ZNF721: variants seen among roughly 807,000 people sequenced by gnomAD.
ZNF721 encodes zinc finger protein 721.
In ZNF721, 2 loss-of-function variants were observed where a neutral mutation model predicts 2.4. That is an observed-to-expected ratio of 0.82 (90% CI 0.34 to 2.58). ZNF721 has a LOEUF of 2.58. Ranked by LOEUF, ZNF721 falls within the 30% of genes most tolerant of loss-of-function variation. The pLI is 0.11. For synonymous variants in ZNF721, 398 were observed against 381.8 expected (o/e 1.04, Z -0.50); for missense variants, 1,187 against 1,085.5 (o/e 1.09, Z -1.31).
At chr4:458,753 G>A (rs1269253087) in intron 2 of ZNF721, among the ~76,000 whole-genome samples, 1 of 152,126 alleles carries the variant, frequency 6.6e-6, no homozygotes, top group African/African-American at 2.4e-5. Context: ...GGCTAAGGCA[G>A]GAAAATCGCT....
At chr4:479,938 G>A (rs1715731599) in intron 1 of ZNF721, among the ~76,000 whole-genome samples, 2 of 152,162 alleles carry the variant, frequency 1.3e-5, no homozygotes, top group South Asian at 4.1e-4. Flanking sequence ...GATTGTTTGG[G>A]TGAATGCTTT....
chr4:452,189 T>C (rs1368445710), intron 2 of ZNF721, among the ~76,000 whole-genome samples: 1 of 152,146 alleles, frequency 6.6e-6, no homozygotes, highest in Non-Finnish European at 1.5e-5. Flanking sequence ...GCTGTCCAAA[T>C]AGCCGGTCAG....
In ZNF721 at chr4:442,617, T is replaced by A. The variant is rs782551468; in HGVS notation, c.1850A>T (p.Glu617Val). ...GTACCATACAAAGTCTTTGCCACACTCTTCACATTTGTAAAGTTTCTCTCC... is the reference window on the plus strand; with the variant it reads ...GTACCATACAAAGTCTTTGCCACACACTTCACATTTGTAAAGTTTCTCTCC... The part of the protein sequence containing the change: ...HTGEKLYKCE[E>V]CGKDFVWYTD... Residue 617 changes from glutamate to valine, a missense_variant, in exon 3 of 3, where the codon GAG (glutamate) becomes GTG (valine). Physicochemically the swap from Glu to Val is moderately radical, Grantham distance 121 (BLOSUM62 -2). Coordinates refer to ENST00000511833, the MANE Select transcript of ZNF721 (RefSeq NM_133474.4). The A allele has an allele frequency of 1.2e-6, 2 of 1,613,906 alleles. No individual in the cohort carries two copies. The highest frequency in any genetic ancestry group is 1.7e-6 in the Non-Finnish European group (2 of 1,179,892).
rs190754079 is a variant in ZNF721 at position 442,063 on chromosome 4, T to C, written c.2404A>G (p.Ile802Val). The change falls in exon 3 of 3, where the codon ATT becomes GTT. Residue 802 changes from isoleucine (I) to valine (V), a missense_variant. Transcript: ENST00000511833. The stretch of plus-strand genomic sequence containing the variant: ...TTAAAGGGTTTCTCACCTGTATGAA[T>C]CCTCTTATGTTTAGCAAAGCTTGAG... ...SSSSFAKHKRIHTGEKPFKCL... is the reference protein window; with the variant it reads ...SSSSFAKHKRVHTGEKPFKCL... 1.6e-4 allele frequency: 256 copies of C among 1,613,916 alleles called. No individual in the cohort carries two copies. In the African/African-American group the frequency reaches 2.7e-3, roughly 17 times the overall value.
intron 2 of ZNF721, among the ~76,000 whole-genome samples, chr4:450,234 C>A (rs1177445812): frequency 5.3e-5 from 8 of 149,752 alleles, no homozygotes; most frequent in Non-Finnish European, 1.2e-4. Context: ...ATGTTTATTA[C>A]AGCACTGTTT....
Position 474,093 on chromosome 4 carries a change from G to A in ZNF721, c.-93-1392C>T, listed in dbSNP as rs79237229. On this transcript the variant is annotated intron_variant, in intron 1 of 2. Transcript: ENST00000511833. ...GGCAAAATCACCGAGGCCTCCCTGAGGTGTGGAAGCAGGGAAGTGAGGCCC... is the reference window on the plus strand; with the variant it reads ...GGCAAAATCACCGAGGCCTCCCTGAAGTGTGGAAGCAGGGAAGTGAGGCCC... 595 of 1,337,002 alleles carry A rather than the reference G, an allele frequency of 4.5e-4. 1 individual carries two copies. The highest frequency in any genetic ancestry group is 5.7e-4 in the Non-Finnish European group (561 of 992,082). The allele number at this position is 1,337,002 out of a possible 1,614,324, so 82.8% of individuals were successfully genotyped here.
intron 1 of ZNF721, among the ~76,000 whole-genome samples, chr4:487,465 C>A (rs1553870672): frequency 6.6e-6 from 1 of 152,128 alleles, no homozygotes; most frequent in African/African-American, 2.4e-5. Context: ...AAACTGAGCC[C>A]AGAAGAATGG....
chr4:476,016 T>C (rs1438382407), intron 1 of ZNF721, among the ~76,000 whole-genome samples: 2 of 152,162 alleles, frequency 1.3e-5, no homozygotes, highest in East Asian at 1.9e-4. Context: ...TTTTTTTACT[T>C]TCATGAAATA....
At chr4:450,952 AAAAAATATATATATATATAT>A (rs57341307) in intron 2 of ZNF721, among the ~76,000 whole-genome samples, 1,308 of 42,064 alleles carry the variant, frequency 0.031, 76 homozygotes, top group African/African-American at 0.15. Context: ...AAAAAAAAAA[AAAAAATATATATATATATAT>A]ATATATATAT....
intron 1 of ZNF721, among the ~76,000 whole-genome samples, chr4:480,765 C>T (rs1715751116): frequency 6.7e-6 from 1 of 148,698 alleles, no homozygotes; most frequent in Non-Finnish European, 1.5e-5. Flanking sequence ...CATGCATATG[C>T]CACATCTTCT....
Position 443,674 on chromosome 4 carries a change from C to A in ZNF721, c.793G>T (p.Ala265Ser). ...CCAGTATGAATCCTCTTATGTTTAG[C>A]AAAGCTTGAGGATGAGGAAATGACT... ...GKVISSSSSF[A>S]KHKRIHTGEK... The change falls in exon 3 of 3, where the codon GCT becomes TCT. Residue 265 changes from alanine to serine, a missense_variant. Transcript: ENST00000511833. 1 of 1,613,594 alleles carries A rather than the reference C, an allele frequency of 6.2e-7. No individual in the cohort carries two copies. The highest frequency in any genetic ancestry group is 8.5e-7 in the Non-Finnish European group (1 of 1,179,886).
At chr4:481,452 T>C (rs1475505147) in intron 1 of ZNF721, among the ~76,000 whole-genome samples, 4 of 152,348 alleles carry the variant, frequency 2.6e-5, no homozygotes, top group African/African-American at 7.2e-5. Context: ...TTCAAATGTC[T>C]CTTGGCCATT....
At chr4:446,278 A>C (rs1328575959) in intron 2 of ZNF721, among the ~76,000 whole-genome samples, 1 of 152,266 alleles carries the variant, frequency 6.6e-6, no homozygotes, top group Non-Finnish European at 1.5e-5. Context: ...AAAGCATAAA[A>C]ATGATCATAA....
chr4:452,141 C>T (rs1190640301), intron 2 of ZNF721, among the ~76,000 whole-genome samples: 3 of 152,200 alleles, frequency 2.0e-5, no homozygotes, highest in Non-Finnish European at 2.9e-5. Context: ...TCTTGACTGA[C>T]CAGGCTGAAA....
At chr4:494,504 T>G (rs976821255) in intron 1 of ZNF721, among the ~76,000 whole-genome samples, 2 of 152,070 alleles carry the variant, frequency 1.3e-5, no homozygotes, top group South Asian at 4.1e-4. Context: ...ATCTTATATA[T>G]TCATAAAGAT....
chr4:487,601 A>G (rs187715606), intron 1 of ZNF721, among the ~76,000 whole-genome samples: 40 of 152,366 alleles, frequency 2.6e-4, no homozygotes, highest in Admixed American at 2.0e-3. Flanking sequence ...CCAGGATTCC[A>G]GGACAAATTG....
At position 464,398 on chromosome 4, in the gene ZNF721, G is replaced by T. The variant is rs570515489; in HGVS notation, c.34+8177C>A. 1.1e-4 allele frequency among the ~76,000 whole-genome samples: 17 copies of T among 148,578 alleles called. No individual in the cohort carries two copies. The East Asian group carries it at 3.4e-3, about 30-fold the overall frequency. On this transcript the variant is annotated intron_variant, in intron 2 of 2. Coordinates refer to ENST00000511833, the MANE Select transcript of ZNF721 (RefSeq NM_133474.4). Reference sequence around the variant, plus strand: ...GCAGGAGAATCGCTTGAACTTGGGAGGCAGAGATTGCAGTGAGCCGAGATC... The same window carrying T: ...GCAGGAGAATCGCTTGAACTTGGGATGCAGAGATTGCAGTGAGCCGAGATC...
rs1307789768 is a variant in ZNF721, at chr4:471,453, AG to A, written c.34+1121del. Among the ~76,000 whole-genome samples, 3 of 152,328 alleles carry A rather than the reference AG, an allele frequency of 2.0e-5. No homozygotes were observed. In the East Asian group the frequency reaches 5.8e-4, roughly 29 times the overall value. ...ATGCTAAATGAAATTAGCCAAACACAGACAGACAAAGAAACTGCTTCTTTTT... is the reference window on the plus strand; with the variant it reads ...ATGCTAAATGAAATTAGCCAAACACAACAGACAAAGAAACTGCTTCTTTTT... On this transcript the variant is annotated intron_variant, in intron 2 of 2. Transcript: ENST00000511833.
Position 472,697 on chromosome 4 carries a change from G to C in ZNF721, c.-89C>G. The C allele has an allele frequency of 6.2e-7, 1 of 1,611,908 alleles. No individual in the cohort carries two copies. The highest frequency in any genetic ancestry group is 2.2e-5 in the East Asian group (1 of 44,854). The stretch of plus-strand genomic sequence containing the variant: ...TATGGCCACATCCCTGAATGTTAAG[G>C]GTTCCTGAAAATACATATGTATCAA... On this transcript the variant is annotated 5_prime_UTR_variant, in exon 2 of 3. Transcript: ENST00000511833.
Sources: gnomAD v4.1 joint callset for allele counts (sites outside exome capture counted in the v4.1 genomes callset) on GRCh38, gnomAD v4.1.1 for gene constraint, MANE v1.5 for transcripts, NCBI Gene and HGNC (gene_info 2026-07-23, HGNC 2026-07-21) for gene names.